Variants in EPHA3 observed in about 807,000 individuals in gnomAD.
The protein encoded by EPHA3 is EPH receptor A3.
A neutral mutation model predicts 107.1 loss-of-function variants in EPHA3; 42 were observed. That is an observed-to-expected ratio of 0.39 (90% CI 0.31 to 0.51). EPHA3 has a LOEUF of 0.51. Among genes scored for constraint, EPHA3 ranks in the 20% least tolerant of loss-of-function variants. The pLI is 0.78. For missense variants in EPHA3, 1,183 were observed against 1,211.2 expected (o/e 0.98, Z 0.35); for synonymous variants, 461 against 424.8 (o/e 1.09, Z -1.05).
intron 15 of EPHA3, among the ~76,000 whole-genome samples, 181 bp downstream of exon 15, chr3:89,450,551 T>C (rs1429612229): frequency 6.6e-6 from 1 of 152,180 alleles, no homozygotes; most frequent in Non-Finnish European, 1.5e-5. Context: ...TCCTCCTTAA[T>C]AGTAATGATG....
At chr3:89,201,122 C>A (rs1044558608) in intron 2 of EPHA3, among the ~76,000 whole-genome samples, 14 of 152,116 alleles carry the variant, frequency 9.2e-5, no homozygotes, top group African/African-American at 9.7e-5. Context: ...AGGAAACTTA[C>A]AATCATGGCA....
intron 15 of EPHA3, among the ~76,000 whole-genome samples, chr3:89,471,659 C>T (rs1472423778): frequency 1.3e-5 from 2 of 152,064 alleles, no homozygotes; most frequent in East Asian, 1.9e-4. Flanking sequence ...CCACTGCGCC[C>T]GGCCCTTTTT....
intron 5 of EPHA3, among the ~76,000 whole-genome samples, chr3:89,355,886 G>A (rs1707938036): frequency 6.7e-6 from 1 of 149,800 alleles, no homozygotes; most frequent in Admixed American, 6.7e-5. Context: ...ACAATGTGCA[G>A]ATTAGTTACA....
intron 8 of EPHA3, 119 bp from the exon 9 acceptor site, chr3:89,407,948 C>G (rs184009612): frequency 1.0e-6 from 1 of 995,258 alleles, no homozygotes; most frequent in Non-Finnish European, 1.5e-6. Flanking sequence ...TAAACTTTCA[C>G]TAAAGCATTT....
At chr3:89,375,144 C>T (rs1231862233) in intron 5 of EPHA3, among the ~76,000 whole-genome samples, 2 of 151,552 alleles carry the variant, frequency 1.3e-5, no homozygotes, top group African/African-American at 2.4e-5. Context: ...TAAACTTTGT[C>T]CCACTCAAAG....
At chr3:89,217,804 C>A (rs1390900181) in intron 3 of EPHA3, among the ~76,000 whole-genome samples, 1 of 151,942 alleles carries the variant, frequency 6.6e-6, no homozygotes, top group East Asian at 1.9e-4. Context: ...TAACTTTCAA[C>A]AAAGAGAAAG....
chr3:89,323,180 G>A (rs762261950), intron 3 of EPHA3, among the ~76,000 whole-genome samples: 3 of 151,996 alleles, frequency 2.0e-5, no homozygotes, highest in Non-Finnish European at 4.4e-5. Flanking sequence ...TTTTAAAAAT[G>A]TTTATACACA....
intron 5 of EPHA3, among the ~76,000 whole-genome samples, chr3:89,376,504 A>G (rs1708408331): frequency 6.6e-6 from 1 of 151,930 alleles, no homozygotes; most frequent in Non-Finnish European, 1.5e-5. Flanking sequence ...TCAACTGTGA[A>G]TAAATGATTT....
intron 3 of EPHA3, among the ~76,000 whole-genome samples, chr3:89,279,187 G>GT (rs1178563104): frequency 7.2e-5 from 11 of 151,940 alleles, no homozygotes; most frequent in Admixed American, 3.9e-4. Context: ...GTTCCTTAGA[G>GT]TTTTTTTTAA....
intron 7 of EPHA3, chr3:89,400,324 T>A (rs1708935271): frequency 6.2e-6 from 1 of 161,072 alleles, no homozygotes; most frequent in East Asian, 1.7e-4. Flanking sequence ...CCCCTCAGCC[T>A]CCCGAGTAGC....
At chr3:89,150,110 A>C (rs536367125) in intron 2 of EPHA3, among the ~76,000 whole-genome samples, 1 of 152,090 alleles carries the variant, frequency 6.6e-6, no homozygotes, top group Non-Finnish European at 1.5e-5. Flanking sequence ...ATGGGAAAGT[A>C]TATGATTCTT....
At chr3:89,341,457 A>G (rs1707518860) in intron 4 of EPHA3, among the ~76,000 whole-genome samples, 1 of 152,200 alleles carries the variant, frequency 6.6e-6, no homozygotes, top group African/African-American at 2.4e-5. Context: ...TATAAAACTA[A>G]TACTAAAGTT....
chr3:89,253,012 A>G (rs765557065), intron 3 of EPHA3, among the ~76,000 whole-genome samples: 16 of 151,854 alleles, frequency 1.1e-4, no homozygotes, highest in Admixed American at 6.6e-5. Flanking sequence ...GTCATTCTCC[A>G]TTGCCAGAGG....
chr3:89,302,706 A>T (rs1362312821), intron 3 of EPHA3, among the ~76,000 whole-genome samples: 1 of 152,162 alleles, frequency 6.6e-6, no homozygotes, highest in East Asian at 1.9e-4. Context: ...TTTAGAATCC[A>T]TAGAATCCTT....
chr3:89,175,386 G>A (rs1288561570), intron 2 of EPHA3, among the ~76,000 whole-genome samples: 2 of 152,004 alleles, frequency 1.3e-5, no homozygotes, highest in Non-Finnish European at 2.9e-5. Context: ...CTAACTACAA[G>A]CTGTAGTTAA....
intron 3 of EPHA3, among the ~76,000 whole-genome samples, chr3:89,291,190 A>G (rs1250730072): frequency 6.6e-6 from 1 of 152,172 alleles, no homozygotes; most frequent in Non-Finnish European, 1.5e-5. Flanking sequence ...CTCCTCTAAT[A>G]TCATCATATA....
chr3:89,403,224 GT>G (rs1708998650), intron 7 of EPHA3, among the ~76,000 whole-genome samples: 1 of 152,098 alleles, frequency 6.6e-6, no homozygotes, highest in Non-Finnish European at 1.5e-5. Context: ...ACAAAGGGAG[GT>G]TAAGGAAGTT....
intron 3 of EPHA3, among the ~76,000 whole-genome samples, chr3:89,239,406 A>G (rs1423428818): frequency 6.6e-6 from 1 of 152,212 alleles, no homozygotes; most frequent in African/African-American, 2.4e-5. Flanking sequence ...GAAATAGCCC[A>G]GCCAAGCCAA....
At chr3:89,272,803 G>A (rs928860561) in intron 3 of EPHA3, among the ~76,000 whole-genome samples, 6 of 151,846 alleles carry the variant, frequency 4.0e-5, no homozygotes, top group Non-Finnish European at 5.9e-5. Context: ...ATATTATTGG[G>A]ATAATGAAAG....
Sources: gnomAD v4.1 joint callset for allele counts (sites outside exome capture counted in the v4.1 genomes callset) on GRCh38, gnomAD v4.1.1 for gene constraint, MANE v1.5 for transcripts, NCBI Gene and HGNC (gene_info 2026-07-23, HGNC 2026-07-21) for gene names.